The following NAA35 variants were observed in gnomAD, a reference collection of about 807,000 sequenced individuals.
NAA35 encodes N-alpha-acetyltransferase 35, NatC auxiliary subunit.
A neutral mutation model predicts 101.7 loss-of-function variants in NAA35; 18 were observed. The observed-to-expected ratio is 0.18, with a 90% CI of 0.12 to 0.26. The LOEUF (loss-of-function observed/expected upper bound fraction) is 0.26. Among genes scored for constraint, NAA35 ranks in the 10% least tolerant of loss-of-function variants. The pLI is 1.00. For synonymous variants in NAA35, 267 were observed against 273.1 expected, an observed-to-expected ratio of 0.98 and a Z score of 0.22; for missense variants, 601 against 886.8, an observed-to-expected ratio of 0.68 and a Z score of 4.09.
intron 5 of NAA35, among the ~76,000 whole-genome samples, chr9:85,960,571 A>G (rs2117875532): frequency 6.6e-6 from 1 of 152,246 alleles, no homozygotes; most frequent in Non-Finnish European, 1.5e-5. Flanking sequence ...ACTGCCTGTG[A>G]TTACATTGCT....
chr9:85,979,744 C>G (rs1830357641), intron 11 of NAA35, among the ~76,000 whole-genome samples: 2 of 152,186 alleles, frequency 1.3e-5, no homozygotes, highest in Non-Finnish European at 2.9e-5. Context: ...CTCACACCAC[C>G]ACAACAGTCA....
intron 11 of NAA35, chr9:85,986,395 C>T (rs1587619918): frequency 2.1e-6 from 1 of 469,574 alleles, no homozygotes; most frequent in South Asian, 1.5e-5. Context: ...GAAGTGTGTG[C>T]AGGCATGTAA....
intron 2 of NAA35, among the ~76,000 whole-genome samples, chr9:85,947,717 CACAA>C (rs1424705984): frequency 4.6e-5 from 7 of 152,182 alleles, no homozygotes; most frequent in African/African-American, 1.7e-4. Flanking sequence ...GGGCAGCCCC[CACAA>C]ACAAATAATT....
intron 2 of NAA35, among the ~76,000 whole-genome samples, chr9:85,948,533 GT>G (rs1828864963): frequency 6.6e-6 from 1 of 152,030 alleles, no homozygotes; most frequent in Non-Finnish European, 1.5e-5. Context: ...TTTCTCTCTT[GT>G]TGTGATTGGA....
At chr9:85,946,685 T>TG (rs34165472) in intron 2 of NAA35, among the ~76,000 whole-genome samples, 2 of 67,404 alleles carry the variant, frequency 3.0e-5, no homozygotes, top group East Asian at 1.1e-3. Context: ...TTTTTTGCGA[T>TG]TTTTTTTTTT....
chr9:86,006,155 G>A (rs976285677), intron 13 of NAA35, among the ~76,000 whole-genome samples: 2 of 151,870 alleles, frequency 1.3e-5, no homozygotes, highest in East Asian at 3.9e-4. Flanking sequence ...GGGCAACAGA[G>A]CGAGACCCCA....
At chr9:85,994,673 A>T (rs747177177) in intron 11 of NAA35, among the ~76,000 whole-genome samples, 4 of 152,182 alleles carry the variant, frequency 2.6e-5, no homozygotes, top group Non-Finnish European at 4.4e-5. Flanking sequence ...CATCTGATTT[A>T]CTTTTAGAAT....
intron 21 of NAA35, 78 bp from the exon 22 acceptor site, chr9:86,020,811 A>T: frequency 9.2e-7 from 1 of 1,087,266 alleles, no homozygotes; most frequent in Non-Finnish European, 1.4e-6. Flanking sequence ...GCCTGGGTTG[A>T]CAGCAGGTCT....
intron 11 of NAA35, among the ~76,000 whole-genome samples, chr9:85,990,338 T>C (rs1157525671): frequency 6.6e-6 from 1 of 152,232 alleles, no homozygotes; most frequent in Non-Finnish European, 1.5e-5. Context: ...CTCAACACTG[T>C]TGTACTGGCA....
chr9:85,982,299 A>T (rs1830468481), intron 11 of NAA35, among the ~76,000 whole-genome samples: 1 of 152,218 alleles, frequency 6.6e-6, no homozygotes, highest in African/African-American at 2.4e-5. Flanking sequence ...GGATTCAAAG[A>T]TGTGACCTTG....
Position 85,958,685 on chromosome 9 carries a change from G to A in NAA35, c.273+99G>A, listed in dbSNP as rs1587571474. On this transcript the variant is annotated intron_variant, in intron 4 of 22. Coordinates refer to ENST00000361671, the MANE Select transcript of NAA35 (RefSeq NM_024635.4). ...GAAATGAAACGTTGTATTAAAGTCT[G>A]TTTCCTTCAAAGCAGCTCAAGCATA... is the stretch of plus-strand genomic sequence containing the variant. The A allele has an allele frequency of 2.0e-5, 14 of 715,150 alleles. No individual in the cohort carries two copies. The East Asian group carries it at 3.8e-4, about 19-fold the overall frequency. The allele number at this position is 715,150 out of a possible 1,614,324, so 44.3% of individuals were successfully genotyped here. A position where few individuals can be genotyped will look rare whatever the true frequency, so the allele number is the denominator to read the frequency against.
At chr9:85,991,904 G>A (rs141816255) in intron 11 of NAA35, among the ~76,000 whole-genome samples, 2,131 of 152,288 alleles carry the variant, frequency 0.014, 48 homozygotes, top group African/African-American at 0.047. Context: ...GCCGGGCGTG[G>A]TGGCTCACAC....
At chr9:85,979,323 T>C (rs915279438) in intron 11 of NAA35, among the ~76,000 whole-genome samples, 5 of 152,176 alleles carry the variant, frequency 3.3e-5, no homozygotes, top group Non-Finnish European at 5.9e-5. Flanking sequence ...CTTAGAACTT[T>C]TTAAAAGAGG....
At chr9:85,994,403 C>T (rs1212440132) in intron 11 of NAA35, among the ~76,000 whole-genome samples, 1 of 152,140 alleles carries the variant, frequency 6.6e-6, no homozygotes, top group Non-Finnish European at 1.5e-5. Flanking sequence ...TTATGCAATA[C>T]TTGTCCTTTT....
chr9:85,968,255 G>T (rs1587590863), intron 6 of NAA35, among the ~76,000 whole-genome samples: 1 of 152,146 alleles, frequency 6.6e-6, no homozygotes, highest in South Asian at 2.1e-4. Context: ...CTGTCACCCA[G>T]GCTGGAGTTC....
chr9:85,970,635 C>T (rs190370969), intron 6 of NAA35, among the ~76,000 whole-genome samples: 2 of 152,198 alleles, frequency 1.3e-5, no homozygotes, highest in East Asian at 1.9e-4. Flanking sequence ...ATCAGGCACA[C>T]CCATTACTGA....
chr9:86,024,717 T>C lies in NAA35; in HGVS notation c.*2757T>C, dbSNP rs989885425. Among the ~76,000 whole-genome samples, 2 of 152,168 alleles carry C rather than the reference T, an allele frequency of 1.3e-5. No homozygotes were observed. The highest frequency in any genetic ancestry group is 2.4e-5 in the African/African-American group (1 of 41,440). On this transcript the variant is annotated 3_prime_UTR_variant, in exon 23 of 23. Coordinates refer to ENST00000361671, the MANE Select transcript of NAA35 (RefSeq NM_024635.4). ...GATGGTGGTGCCACTTGTGTAGATA[T>C]CTAGGCAAGGTAGGAGACCAGGTTT...
In NAA35 at chr9:86,022,266, T is replaced by C. The variant is rs1237735888; in HGVS notation, c.*306T>C. ...AATGATTGAGTGAAAATAGTGTTTA[T>C]AAAGGTTAATAAATTTCTTGACAAA... On this transcript the variant is annotated 3_prime_UTR_variant, in exon 23 of 23. Coordinates refer to ENST00000361671, the MANE Select transcript of NAA35 (RefSeq NM_024635.4). 4.4e-5 allele frequency: 9 copies of C among 206,710 alleles called. No homozygotes were observed. Among genetic ancestry groups the C allele is most frequent in the Non-Finnish European group, 8.5e-5 (9 of 105,718 alleles). 12.8% of individuals were successfully genotyped at this position (206,710 alleles called of 1,614,324 possible).
At position 86,024,607 on chromosome 9, in the gene NAA35, A is replaced by G. The variant is rs1832701916; in HGVS notation, c.*2647A>G. Among the ~76,000 whole-genome samples, 1 of 152,206 alleles carries G rather than the reference A, an allele frequency of 6.6e-6. No homozygotes were observed. Among genetic ancestry groups the G allele is most frequent in the Non-Finnish European group, 1.5e-5 (1 of 68,032 alleles). On this transcript the variant is annotated 3_prime_UTR_variant, in exon 23 of 23. Coordinates refer to ENST00000361671, the MANE Select transcript of NAA35 (RefSeq NM_024635.4). ...GATGAAATCAAATGTTTTCAGAGGT[A>G]CAGCTAATGGGACATGGTGAATGAG...
Sources: allele counts gnomAD v4.1 joint callset (sites outside exome capture counted in the v4.1 genomes callset), GRCh38; gene constraint gnomAD v4.1.1; transcripts MANE v1.5; gene names NCBI Gene and HGNC (gene_info 2026-07-23, HGNC 2026-07-21).